The following UROC1 variants were observed in gnomAD, a reference collection of about 807,000 sequenced individuals.
The protein encoded by UROC1 is urocanate hydratase.
Under a neutral mutation model 89.5 loss-of-function variants are expected in UROC1, and 79 were observed. The ratio of observed to expected loss-of-function variants is 0.88; its 90% confidence interval spans 0.74 to 1.06. The LOEUF is 1.06. UROC1 is among the 50% of genes least tolerant of loss of function. The pLI is 0.00. For missense variants in UROC1, 885 were observed against 907.8 expected, an observed-to-expected ratio of 0.97 and a Z score of 0.32; for synonymous variants, 361 against 354.8, an observed-to-expected ratio of 1.02 and a Z score of -0.20.
chr3:126,489,306 T>C lies in UROC1; in HGVS notation c.1678A>G (p.Asn560Asp). 6.2e-7 allele frequency: 1 copy of C among 1,613,944 alleles called. No homozygotes were observed. The highest frequency in any genetic ancestry group is 8.5e-7 in the Non-Finnish European group (1 of 1,180,014). Residue 560 changes from asparagine to aspartate, a missense_variant, in exon 17 of 20, where the codon AAC becomes GAC. By Grantham distance (23) the Asn-to-Asp change is conservative (BLOSUM62 1). Transcript: ENST00000290868. Reference sequence around the variant, plus strand: ...CAGAAGGCAGAGCCGTCGTAAATGTTGGAGGTCTCCCTAAAGGGGCTGTCG... The same window carrying C: ...CAGAAGGCAGAGCCGTCGTAAATGTCGGAGGTCTCCCTAAAGGGGCTGTCG... The part of the protein sequence containing the change: ...GTDSPFRETS[N>D]IYDGSAFCAD...
intron 9 of UROC1, chr3:126,501,796 C>T (rs752722891): frequency 1.3e-6 from 2 of 1,599,330 alleles, no homozygotes; most frequent in South Asian, 2.2e-5. Context: ...AGATTGAATG[C>T]TTACCAGGAG....
chr3:126,496,880 C>T (rs2107540098), intron 14 of UROC1, among the ~76,000 whole-genome samples: 1 of 152,338 alleles, frequency 6.6e-6, no homozygotes, highest in Middle Eastern at 3.4e-3. Context: ...GTGCTGCGGG[C>T]ATGTGGAGCT....
chr3:126,508,819 C>T (rs1936129897), intron 3 of UROC1, among the ~76,000 whole-genome samples: 1 of 152,008 alleles, frequency 6.6e-6, no homozygotes, highest in Non-Finnish European at 1.5e-5. Context: ...GGCAACATAT[C>T]ACCCCCAAGG....
chr3:126,496,643 T>C (rs899874326), intron 14 of UROC1, among the ~76,000 whole-genome samples: 2 of 152,230 alleles, frequency 1.3e-5, no homozygotes, highest in African/African-American at 2.4e-5. Context: ...ACGGAGTATG[T>C]GTGCATGTGA....
At chr3:126,496,422 G>T (rs950632671) in intron 14 of UROC1, among the ~76,000 whole-genome samples, 1 of 152,240 alleles carries the variant, frequency 6.6e-6, no homozygotes. Flanking sequence ...GCTGTGGGCC[G>T]TGAGGAACAC....
At chr3:126,482,746 G>A (rs183725253) in intron 19 of UROC1, among the ~76,000 whole-genome samples, 36 of 152,084 alleles carry the variant, frequency 2.4e-4, no homozygotes, top group African/African-American at 7.0e-4. Flanking sequence ...TGAGTCCTCC[G>A]CAGCACCTCC....
intron 6 of UROC1, among the ~76,000 whole-genome samples, chr3:126,506,325 A>T (rs890835911): frequency 2.0e-5 from 3 of 152,210 alleles, no homozygotes; most frequent in Non-Finnish European, 4.4e-5. Flanking sequence ...TGCCCACACT[A>T]CATGCTTACG....
chr3:126,511,317 T>C (rs1012573160), intron 1 of UROC1, among the ~76,000 whole-genome samples: 1 of 152,190 alleles, frequency 6.6e-6, no homozygotes, highest in Non-Finnish European at 1.5e-5. Context: ...CCATACTCCA[T>C]GCAACAAGAC....
intron 4 of UROC1, 59 bp downstream of exon 4, chr3:126,508,357 A>C: frequency 6.4e-7 from 1 of 1,554,258 alleles, no homozygotes; most frequent in Non-Finnish European, 8.9e-7. Context: ...CTCCTAGGCC[A>C]GAGGACCAGA....
chr3:126,484,344 C>T (rs763791429), intron 18 of UROC1, among the ~76,000 whole-genome samples: 1 of 152,214 alleles, frequency 6.6e-6, no homozygotes, highest in Non-Finnish European at 1.5e-5. Context: ...GCCCTTGAAG[C>T]ATCCAGCCTT....
At position 126,506,023 on chromosome 3, in the gene UROC1, G is replaced by C. The variant is rs770270981; in HGVS notation, c.603-12C>G. ...TCATCTGGCCGTACCTGACCACAGGGAGAGAAGCCAAGCCCAGGGCTCAGC... is the reference window on the plus strand; with the variant it reads ...TCATCTGGCCGTACCTGACCACAGGCAGAGAAGCCAAGCCCAGGGCTCAGC... On this transcript the variant is annotated splice_polypyrimidine_tract_variant and intron_variant, in intron 6 of 19. Coordinates refer to ENST00000290868, the MANE Select transcript of UROC1 (RefSeq NM_144639.3). 3 of 1,613,358 alleles carry C rather than the reference G, an allele frequency of 1.9e-6. No homozygotes were observed. The East Asian group carries it at 6.7e-5, about 36-fold the overall frequency.
chr3:126,513,438 A>G (rs911488041), intron 1 of UROC1, among the ~76,000 whole-genome samples: 3 of 152,214 alleles, frequency 2.0e-5, no homozygotes, highest in Non-Finnish European at 4.4e-5. Context: ...ATCTGTGCAC[A>G]CTGCCTCCTG....
At chr3:126,509,012 C>T (rs1936132773) in intron 3 of UROC1, among the ~76,000 whole-genome samples, 1 of 152,014 alleles carries the variant, frequency 6.6e-6, no homozygotes, top group African/African-American at 2.4e-5. Flanking sequence ...ATTTCAAAGG[C>T]TCAGGATGAA....
chr3:126,503,775 G>A (rs1225843326), intron 9 of UROC1, among the ~76,000 whole-genome samples: 2 of 152,260 alleles, frequency 1.3e-5, no homozygotes, highest in Non-Finnish European at 2.9e-5. Context: ...GGCCCTTCCA[G>A]AGGCTTCTGC....
At chr3:126,502,062 G>A (rs899070320) in intron 9 of UROC1, 58 of 1,111,148 alleles carry the variant, frequency 5.2e-5, no homozygotes, top group Non-Finnish European at 6.5e-5. Context: ...TGATTTTGAT[G>A]TATGTGTATG....
intron 9 of UROC1, among the ~76,000 whole-genome samples, chr3:126,501,589 C>T (rs1275072717): frequency 1.3e-5 from 2 of 152,256 alleles, no homozygotes; most frequent in Admixed American, 1.3e-4. Context: ...CCACAGGGAT[C>T]TTTACAGAAC....
In UROC1 at chr3:126,499,375, T is replaced by C. The variant is rs755621438; in HGVS notation, c.1278A>G (p.Thr426=). 1.2e-6 allele frequency: 2 copies of C among 1,612,734 alleles called. No homozygotes were observed. The highest frequency in any genetic ancestry group is 1.7e-5 in the Admixed American group (1 of 59,884). ...ADVEKKGAGR[T]EFRYPSYVQH... ...GCACATAGGAAGGGTAGCGGAACTC[T>C]GTCCTGCCAGCACCTTTCTTCTCCA... Residue 426 remains threonine, a synonymous_variant, in exon 13 of 20, where the codon ACA becomes ACG. Transcript: ENST00000290868.
intron 19 of UROC1, among the ~76,000 whole-genome samples, 153 bp downstream of exon 19, chr3:126,483,216 G>T (rs1007968605): frequency 5.3e-5 from 8 of 152,180 alleles, no homozygotes; most frequent in African/African-American, 1.9e-4. Flanking sequence ...CATTTGAGCT[G>T]ATTCCCCCTT....
rs761156957 is a variant in UROC1, at chr3:126,505,839, G to A, written c.675C>T (p.Thr225=). The change falls in exon 8 of 20, where the codon ACC becomes ACT. Residue 225 remains threonine, a synonymous_variant. Transcript: ENST00000290868. ...GGTACCGACGTGCAGCATTCAACAC[G>A]GTGAGCTGCAGGGAGAAGAGGTGGG... ...PQGIVHGTVL[T]VLNAARRYLG... is the part of the protein sequence containing the mutation. 3.7e-6 allele frequency: 6 copies of A among 1,613,584 alleles called. No homozygotes were observed. The highest frequency in any genetic ancestry group is 2.7e-5 in the African/African-American group (2 of 74,918).
Sources: gnomAD v4.1 joint callset for allele counts (sites outside exome capture counted in the v4.1 genomes callset) on GRCh38, gnomAD v4.1.1 for gene constraint, MANE v1.5 for transcripts, NCBI Gene and HGNC (gene_info 2026-07-23, HGNC 2026-07-21) for gene names.